The following EDNRA variants were observed in gnomAD, a reference collection of about 807,000 sequenced individuals.
The protein encoded by EDNRA is endothelin receptor type A.
In EDNRA, 11 loss-of-function variants were observed where a neutral mutation model predicts 41.4. That is an observed-to-expected ratio of 0.27 (90% CI 0.17 to 0.44). EDNRA has a LOEUF of 0.44. EDNRA is among the 20% of genes least tolerant of loss of function. The pLI, the probability that EDNRA is intolerant of heterozygous loss-of-function variation, is 1.00. For missense variants in EDNRA, 294 were observed against 531.0 expected, an observed-to-expected ratio of 0.55 and a Z score of 4.39; for synonymous variants, 172 against 183.0, an observed-to-expected ratio of 0.94 and a Z score of 0.49.
intron 2 of EDNRA, among the ~76,000 whole-genome samples, chr4:147,498,535 T>C (rs910494430): frequency 6.8e-6 from 1 of 147,304 alleles, no homozygotes; most frequent in African/African-American, 2.7e-5. Context: ...GCCATACCTA[T>C]TGCTTACGTA....
At position 147,544,557 on chromosome 4, in the gene EDNRA, T is replaced by C. The variant is rs1454484115; in HGVS notation, c.*1939T>C. On this transcript the variant is annotated 3_prime_UTR_variant, in exon 8 of 8. Transcript: ENST00000651419. ...CAGGTAAAATAACATCAGGTTCCAG[T>C]TGCTTGAATTGCAAGGCTAAGAAGT... The C allele has an allele frequency of 6.6e-6, 1 of 152,628 alleles. No individual in the cohort carries two copies. Among genetic ancestry groups the C allele is most frequent in the African/African-American group, 2.4e-5 (1 of 41,470 alleles). The allele number at this position is 152,628 out of a possible 1,614,324, so 9.5% of individuals were successfully genotyped here. A position where few individuals can be genotyped will look rare whatever the true frequency, so the allele number is the denominator to read the frequency against.
At chr4:147,527,699 T>A (rs1304541957) in intron 3 of EDNRA, among the ~76,000 whole-genome samples, 3 of 152,186 alleles carry the variant, frequency 2.0e-5, no homozygotes, top group Non-Finnish European at 4.4e-5. Flanking sequence ...CATGTAAAAA[T>A]CTATTTATAG....
chr4:147,492,568 A>G (rs1208483034), intron 2 of EDNRA: 1 of 152,078 alleles, frequency 6.6e-6, no homozygotes, highest in African/African-American at 2.4e-5. Flanking sequence ...ATTTCTGTGC[A>G]TTCTTTAAGC....
rs188833104 is a variant in EDNRA at position 147,544,187 on chromosome 4, C to G, written c.*1569C>G. On this transcript the variant is annotated 3_prime_UTR_variant, in exon 8 of 8. Transcript: ENST00000651419. ...TCTAGGTGATTGTTCATCATGACAA[C>G]CTGCCTCAGTCCATTTTAACCTGTA... 5.9e-5 allele frequency: 9 copies of G among 152,728 alleles called. No individual in the cohort carries two copies. In the East Asian group the frequency reaches 1.7e-3, roughly 29 times the overall value. The allele number at this position is 152,728 out of a possible 1,614,324, so 9.5% of individuals were successfully genotyped here.
At chr4:147,511,861 A>G (rs1356425487) in intron 2 of EDNRA, among the ~76,000 whole-genome samples, 1 of 152,150 alleles carries the variant, frequency 6.6e-6, no homozygotes, top group East Asian at 1.9e-4. Flanking sequence ...CCCCATTTCT[A>G]TGATGGGAGC....
At chr4:147,507,204 A>G (rs1350107812) in intron 2 of EDNRA, among the ~76,000 whole-genome samples, 1 of 141,562 alleles carries the variant, frequency 7.1e-6, no homozygotes, top group African/African-American at 3.1e-5. Context: ...AAAGTTCCTT[A>G]TTTTGAGGGG....
intron 2 of EDNRA, among the ~76,000 whole-genome samples, chr4:147,504,534 T>C (rs980831194): frequency 2.6e-5 from 4 of 152,194 alleles, no homozygotes; most frequent in Non-Finnish European, 4.4e-5. Context: ...TAAAAATTTG[T>C]AATTTCTCTG....
intron 7 of EDNRA, among the ~76,000 whole-genome samples, chr4:147,541,880 G>A (rs1731115731): frequency 6.6e-6 from 1 of 152,104 alleles, no homozygotes; most frequent in South Asian, 2.1e-4. Context: ...ATTCATTGGG[G>A]GAGGGAAAAT....
At chr4:147,488,424 C>T (rs1161144651) in intron 2 of EDNRA, 1 of 152,166 alleles carries the variant, frequency 6.6e-6, no homozygotes, top group African/African-American at 2.4e-5. Flanking sequence ...TATTGTTCTC[C>T]CCTCCTGGGA....
intron 2 of EDNRA, among the ~76,000 whole-genome samples, chr4:147,497,014 A>C (rs1729323044): frequency 6.6e-6 from 1 of 152,170 alleles, no homozygotes; most frequent in Admixed American, 6.5e-5. Context: ...AGATAGCTGC[A>C]TACTAAGTAT....
At chr4:147,493,599 CTACTGCTT>C (rs1293632632) in intron 2 of EDNRA, 1 of 152,118 alleles carries the variant, frequency 6.6e-6, no homozygotes, top group Non-Finnish European at 1.5e-5. Flanking sequence ...GGAGTTAGAA[CTACTGCTT>C]TCTATAGCTA....
intron 5 of EDNRA, among the ~76,000 whole-genome samples, chr4:147,537,622 T>C (rs1240425618): frequency 1.3e-5 from 2 of 148,866 alleles, no homozygotes; most frequent in Non-Finnish European, 3.0e-5. Context: ...GAAATAATTG[T>C]CATATGCTGC....
chr4:147,485,537 CAATA>C (rs1728914404), intron 1 of EDNRA, 71 bp from the exon 2 acceptor site: 1 of 861,986 alleles, frequency 1.2e-6, no homozygotes, highest in Non-Finnish European at 1.7e-6. Flanking sequence ...TTAATTGAAT[CAATA>C]AATAATCATT....
At chr4:147,495,674 G>A (rs1729278632) in intron 2 of EDNRA, 1 of 152,198 alleles carries the variant, frequency 6.6e-6, no homozygotes, top group African/African-American at 2.4e-5. Flanking sequence ...CAAACGAATG[G>A]CTCATCTAGT....
chr4:147,500,647 G>A (rs1178995221), intron 2 of EDNRA, among the ~76,000 whole-genome samples: 3 of 151,992 alleles, frequency 2.0e-5, no homozygotes, highest in East Asian at 1.9e-4. Flanking sequence ...AGCCCAGGTC[G>A]AGGCTTCTGA....
At chr4:147,483,189 G>A (rs1728831449) in intron 1 of EDNRA, among the ~76,000 whole-genome samples, 1 of 152,070 alleles carries the variant, frequency 6.6e-6, no homozygotes, top group Admixed American at 6.5e-5. Flanking sequence ...TAAGAAGCAG[G>A]AAAAAACTGC....
intron 2 of EDNRA, chr4:147,489,722 C>A (rs531086527): frequency 6.6e-6 from 1 of 152,144 alleles, no homozygotes; most frequent in South Asian, 2.1e-4. Context: ...TCAGAAATTT[C>A]TTAATTTCTT....
intron 2 of EDNRA, among the ~76,000 whole-genome samples, chr4:147,509,902 A>G (rs1350263246): frequency 6.6e-6 from 1 of 152,130 alleles, no homozygotes; most frequent in African/African-American, 2.4e-5. Context: ...CAATAAATGT[A>G]ATATGCTTGA....
rs1405405813 is a variant in EDNRA at position 147,529,055 on chromosome 4, AAG to A, written c.549-3450_549-3449del. 9.2e-5 allele frequency among the ~76,000 whole-genome samples: 14 copies of A among 152,358 alleles called. No homozygotes were observed. In the East Asian group the frequency reaches 2.7e-3, roughly 29 times the overall value. On this transcript the variant is annotated intron_variant, in intron 3 of 7. Coordinates refer to ENST00000651419, the MANE Select transcript of EDNRA (RefSeq NM_001957.4). ...CAGTTAGGAAGCTATGGCAATCATC[AAG>A]GCACTGCGATAACAGGTACGATGGT...
Sources: allele counts gnomAD v4.1 joint callset (sites outside exome capture counted in the v4.1 genomes callset), GRCh38; gene constraint gnomAD v4.1.1; transcripts MANE v1.5; gene names NCBI Gene and HGNC (gene_info 2026-07-23, HGNC 2026-07-21).